PTPN11: variants seen among roughly 807,000 people sequenced by gnomAD.
PTPN11 encodes protein tyrosine phosphatase non-receptor type 11.
PTPN11 carries 6 observed loss-of-function variants against 78.8 expected under a neutral mutation model. The ratio of observed to expected loss-of-function variants is 0.08; its 90% CI spans 0.04 to 0.15. The LOEUF (loss-of-function observed/expected upper bound fraction) is 0.15. Among genes scored for constraint, PTPN11 ranks in the 10% least tolerant of loss-of-function variants. The probability of loss-of-function intolerance (pLI) is 1.00; values close to 1 mark genes in which losing one functional copy is unlikely to be tolerated. For synonymous variants in PTPN11, 221 were observed against 263.5 expected (o/e 0.84, Z 1.56); for missense variants, 386 against 744.8 (o/e 0.52, Z 5.61).
rs532541634 is a variant in PTPN11, at chr12:112,446,198, G to A, written c.15-78G>A. 1.7e-5 allele frequency: 26 copies of A among 1,573,128 alleles called. No homozygotes were observed. In the Admixed American group the frequency reaches 2.0e-4, roughly 12 times the overall value. The stretch of plus-strand genomic sequence containing the variant: ...AAATTTTCTACTCTGCTCATAATGC[G>A]TCTTAGCTGTGTTGTTGTGGAAAGT... On this transcript the variant is annotated intron_variant, in intron 1 of 15. Coordinates refer to ENST00000351677, the MANE Select transcript of PTPN11 (RefSeq NM_002834.5).
At chr12:112,459,316 G>A (rs1238319238) in intron 6 of PTPN11, among the ~76,000 whole-genome samples, 1 of 152,074 alleles carries the variant, frequency 6.6e-6, no homozygotes, top group Non-Finnish European at 1.5e-5. Context: ...TAGAGAGAAT[G>A]GGATAGTTAT....
Position 112,478,014 on chromosome 12 carries a change from A to G in PTPN11, c.1091A>G (p.Lys364Arg), listed in dbSNP as rs988676659. The G allele has an allele frequency of 1.2e-6, 2 of 1,614,052 alleles. No individual in the cohort carries two copies. Among genetic ancestry groups the G allele is most frequent in the African/African-American group, 1.3e-5 (1 of 75,050 alleles). ...ACAACGAAAGAAGTGGAGAGAGGAAAGGTAAATCACAGAAACTTCTTTTCT... is the reference window on the plus strand; with the variant it reads ...ACAACGAAAGAAGTGGAGAGAGGAAGGGTAAATCACAGAAACTTCTTTTCT... Reference protein sequence around the residue: ...VMTTKEVERGKSKCVKYWPDE... With the variant: ...VMTTKEVERGRSKCVKYWPDE... The change falls in exon 9 of 16, where the codon AAG becomes AGG. Residue 364 changes from lysine to arginine, a missense_variant and splice_region_variant. Physicochemically the swap from Lys to Arg is conservative, Grantham distance 26. Around this residue, in one of 3 missense-constraint regions of PTPN11, gnomAD observed 279 missense variants for 503.3 expected, o/e 0.55. Coordinates refer to ENST00000351677, the MANE Select transcript of PTPN11 (RefSeq NM_002834.5).
chr12:112,472,638 C>T (rs2038436970), intron 6 of PTPN11, among the ~76,000 whole-genome samples: 1 of 151,780 alleles, frequency 6.6e-6, no homozygotes, highest in African/African-American at 2.4e-5. Flanking sequence ...TCCCACGTAG[C>T]TGGGATTACA....
Position 112,456,057 on chromosome 12 carries a change from A to G in PTPN11, c.750A>G (p.Glu250=). 1 of 1,596,724 alleles carries G rather than the reference A, an allele frequency of 6.3e-7. No homozygotes were observed. The highest frequency in any genetic ancestry group is 8.6e-7 in the Non-Finnish European group (1 of 1,164,200). The part of the protein sequence containing the change: ...TDKVKQGFWE[E]FETLQQQECK... ...AAGTCAAACAAGGCTTTTGGGAAGA[A>G]TTTGAGGTAAGTTATTAAAAAACTG... The change falls in exon 6 of 16, where the codon GAA becomes GAG. Residue 250 remains glutamate, a synonymous_variant. Coordinates refer to ENST00000351677, the MANE Select transcript of PTPN11 (RefSeq NM_002834.5).
chr12:112,455,495 A>G (rs1005462442), intron 5 of PTPN11, among the ~76,000 whole-genome samples: 2 of 152,140 alleles, frequency 1.3e-5, no homozygotes, highest in Admixed American at 6.6e-5. Flanking sequence ...TCAGCCTCTC[A>G]AAGTGCTGGG....
At chr12:112,453,646 G>GTTTTTTT (rs376601242) in intron 4 of PTPN11, among the ~76,000 whole-genome samples, 3 of 116,576 alleles carry the variant, frequency 2.6e-5, no homozygotes, top group Admixed American at 8.6e-5. Flanking sequence ...CAGATTTTCT[G>GTTTTTTT]TTTTTTTTTT....
chr12:112,446,245 T>G (rs2037992458), intron 1 of PTPN11, 31 bp from the exon 2 acceptor site: 4 of 1,613,156 alleles, frequency 2.5e-6, no homozygotes, highest in Non-Finnish European at 3.4e-6. Context: ...TGTCTTGTTT[T>G]TTTATTACTT....
At chr12:112,471,987 T>G (rs959665699) in intron 6 of PTPN11, among the ~76,000 whole-genome samples, 1 of 151,506 alleles carries the variant, frequency 6.6e-6, no homozygotes, top group Non-Finnish European at 1.5e-5. Context: ...CCATGTCTGG[T>G]TTTTTGTCAT....
rs2135912252 is a variant in PTPN11 at position 112,486,495 on chromosome 12, C to T, written c.1245C>T (p.Val415=). 1 of 1,614,144 alleles carries T rather than the reference C, an allele frequency of 6.2e-7. No individual in the cohort carries two copies. The highest frequency in any genetic ancestry group is 8.5e-7 in the Non-Finnish European group (1 of 1,179,960). ...KVGQGNTERT[V]WQYHFRTWPD... ...TCCAGGGGAATACGGAGAGAACGGT[C>T]TGGCAATACCACTTTCGGACCTGGC... Residue 415 remains valine, a synonymous_variant, in exon 11 of 16, where the codon GTC becomes GTT. Transcript: ENST00000351677.
chr12:112,504,859 G>A lies in PTPN11; in HGVS notation c.*32+63G>A. The A allele has an allele frequency of 9.0e-7, 1 of 1,105,460 alleles. No individual in the cohort carries two copies. 68.5% of individuals were successfully genotyped at this position (1,105,460 alleles called of 1,614,324 possible). On this transcript the variant is annotated intron_variant, in intron 15 of 15. Coordinates refer to ENST00000351677, the MANE Select transcript of PTPN11 (RefSeq NM_002834.5). This position sits in a 1 kb window ranked among gnomAD's most constrained non-coding sequence, Gnocchi z 4.7. ...TATAATTGGCAGTATTTTTAAGCAG[G>A]CAAGCAATTTGGGAATGTTTTAGCA... is the stretch of plus-strand genomic sequence containing the variant.
intron 1 of PTPN11, among the ~76,000 whole-genome samples, chr12:112,443,597 G>T (rs192353035): frequency 1.3e-5 from 2 of 151,314 alleles, no homozygotes; most frequent in Non-Finnish European, 2.9e-5. Flanking sequence ...CTCATGATCC[G>T]CCCGCCTTGG....
chr12:112,477,635 T>A lies in PTPN11; in HGVS notation c.854-16T>A, dbSNP rs2038526636. Reference sequence around the variant, plus strand: ...CAGTCCAGGACTTATGTGACCGTGGTCTCTTTTTCTTCTAGTTGATCATAC... The same window carrying A: ...CAGTCCAGGACTTATGTGACCGTGGACTCTTTTTCTTCTAGTTGATCATAC... On this transcript the variant is annotated splice_polypyrimidine_tract_variant and intron_variant, in intron 7 of 15. Transcript: ENST00000351677. The A allele has an allele frequency of 1.3e-6, 2 of 1,599,190 alleles. No individual in the cohort carries two copies. The highest frequency in any genetic ancestry group is 1.3e-5 in the African/African-American group (1 of 74,548).
chr12:112,452,637 C>G (rs1417265306), intron 3 of PTPN11, among the ~76,000 whole-genome samples: 1 of 152,162 alleles, frequency 6.6e-6, no homozygotes, highest in Non-Finnish European at 1.5e-5. Flanking sequence ...AAGTGATCCT[C>G]CTGCCTCGGC....
chr12:112,450,537 A>C (rs2038065944), intron 3 of PTPN11, 25 bp downstream of exon 3: 1 of 1,602,224 alleles, frequency 6.2e-7, no homozygotes, highest in Admixed American at 1.7e-5. Context: ...AGTGACCACA[A>C]AGTCTGCTGC....
rs1592854511 is a variant in PTPN11 at position 112,489,055 on chromosome 12, C to T, written c.1479C>T (p.Thr493=). ...ACTGCGATATTGACGTTCCCAAAAC[C>T]ATCCAGATGGTGCGGTCTCAGAGGT... ...GVDCDIDVPK[T]IQMVRSQRSG... is the part of the protein sequence containing the mutation. The change falls in exon 13 of 16, where the codon ACC becomes ACT. Residue 493 remains threonine (T), a synonymous_variant. Transcript: ENST00000351677. The T allele has an allele frequency of 1.9e-6, 3 of 1,614,082 alleles. No homozygotes were observed. The highest frequency in any genetic ancestry group is 2.2e-5 in the East Asian group (1 of 44,888).
In PTPN11 at chr12:112,472,445, C is replaced by A. The variant is rs186388883; in HGVS notation, c.757-499C>A. Among the ~76,000 whole-genome samples, 199 of 152,136 alleles carry A rather than the reference C, an allele frequency of 1.3e-3. 1 individual carries two copies. Among genetic ancestry groups the A allele is most frequent in the Middle Eastern group, 3.4e-3 (1 of 292 alleles). On this transcript the variant is annotated intron_variant, in intron 6 of 15. Coordinates refer to ENST00000351677, the MANE Select transcript of PTPN11 (RefSeq NM_002834.5). ...TAGAACATTCTTTTGTATGAACAAA[C>A]AATAGTTTTATTTAGGCGGTCCTTT...
intron 3 of PTPN11, among the ~76,000 whole-genome samples, chr12:112,450,902 A>G (rs921725726): frequency 3.3e-5 from 5 of 152,210 alleles, no homozygotes; most frequent in African/African-American, 1.2e-4. Flanking sequence ...TTATTCAGCA[A>G]TGTCACCAAC....
In PTPN11 at chr12:112,462,528, T is replaced by C. The variant is rs12825398; in HGVS notation, c.756+6465T>C. ...ACAAATACTGGCTTTGATAGTCAAA[T>C]TGAAAAAACAAAGTGTATTCAAAGA... is the stretch of plus-strand genomic sequence containing the variant. On this transcript the variant is annotated intron_variant, in intron 6 of 15. Transcript: ENST00000351677. Among the ~76,000 whole-genome samples the C allele has an allele frequency of 7.1e-3, 1,084 of 152,288 alleles. 6 individuals carry two copies. The highest frequency in any genetic ancestry group is 0.014 in the Middle Eastern group (4 of 294).
At chr12:112,455,227 A>T (rs531793091) in intron 5 of PTPN11, among the ~76,000 whole-genome samples, 10 of 143,334 alleles carry the variant, frequency 7.0e-5, no homozygotes, top group Non-Finnish European at 1.1e-4. Flanking sequence ...GGCATTACAG[A>T]GGTTCTTTTT....
Sources: gnomAD v4.1 joint callset for allele counts (sites outside exome capture counted in the v4.1 genomes callset) on GRCh38, gnomAD v4.1.1 for gene constraint, gnomAD v4.1.1 regional missense constraint, Gnocchi (gnomAD v3.1) non-coding constraint, MANE v1.5 for transcripts, NCBI Gene and HGNC (gene_info 2026-07-23, HGNC 2026-07-21) for gene names.